EFCAB5: variants seen among roughly 807,000 people sequenced by gnomAD.
EFCAB5 encodes the protein EF-hand calcium binding domain 5.
EFCAB5 carries 131 observed loss-of-function variants against 167.9 expected under a neutral mutation model. The ratio of observed to expected loss-of-function variants is 0.78; its 90% CI spans 0.68 to 0.90. The LOEUF (loss-of-function observed/expected upper bound fraction) is 0.90. Ranked by LOEUF, EFCAB5 falls within the 40% of genes least tolerant of loss-of-function variation. The probability of loss-of-function intolerance (pLI) is 0.00; values close to 1 mark genes in which losing one functional copy is unlikely to be tolerated. For missense variants in EFCAB5, 1,663 were observed against 1,745.2 expected, an observed-to-expected ratio of 0.95 and a Z score of 0.84; for synonymous variants, 574 against 602.8, an observed-to-expected ratio of 0.95 and a Z score of 0.70.
At chr17:30,046,721 C>G (rs935665807) in intron 8 of EFCAB5, among the ~76,000 whole-genome samples, 3 of 152,168 alleles carry the variant, frequency 2.0e-5, no homozygotes, top group Non-Finnish European at 4.4e-5. Context: ...AGAAGCAACC[C>G]CTTCTCTCCT....
intron 3 of EFCAB5, among the ~76,000 whole-genome samples, chr17:29,960,241 T>C (rs745496154): frequency 6.6e-6 from 1 of 152,166 alleles, no homozygotes; most frequent in Non-Finnish European, 1.5e-5. Flanking sequence ...CAAGACTGTC[T>C]TTCCTATTCT....
Position 30,041,210 on chromosome 17 carries a change from A to AGAAGGAAGGAAGGAAGGAAGGAAG in EFCAB5, c.1200+6848_1200+6849insGGAAGGAAGGAAGGAAGGAAGGAA, listed in dbSNP as rs61335450. ...AGGAAGGAAGGAAGGAAGAAAGGAA[A>AGAAGGAAGGAAGGAAGGAAGGAAG]GAAGGAAGGAAGGAAGGAAGGAAAT... On this transcript the variant is annotated intron_variant, in intron 8 of 22. Transcript: ENST00000394835. Among the ~76,000 whole-genome samples the AGAAGGAAGGAAGGAAGGAAGGAAG allele has an allele frequency of 5.4e-3, 815 of 149,970 alleles. 5 individuals carry two copies. The highest frequency in any genetic ancestry group is 0.019 in the African/African-American group (775 of 40,330).
intron 7 of EFCAB5, among the ~76,000 whole-genome samples, chr17:30,030,175 A>G (rs1191315037): frequency 1.3e-5 from 2 of 152,216 alleles, no homozygotes; most frequent in Non-Finnish European, 2.9e-5. Context: ...TTTGTAGTTG[A>G]TATCGCCAAC....
rs2070096761 is a variant in EFCAB5 at position 30,051,515 on chromosome 17, G to A, written c.1300+298G>A. 2.0e-5 allele frequency among the ~76,000 whole-genome samples: 3 copies of A among 152,178 alleles called. No homozygotes were observed. The South Asian group carries it at 6.2e-4, about 31-fold the overall frequency. Reference sequence around the variant, plus strand: ...CAAATGAAGAAATGCTTTAGTGACAGTCTGAATGTTTTGGAAATTAAGTTA... The same window carrying A: ...CAAATGAAGAAATGCTTTAGTGACAATCTGAATGTTTTGGAAATTAAGTTA... On this transcript the variant is annotated intron_variant, in intron 9 of 22. Transcript: ENST00000394835.
At chr17:30,079,963 G>A (rs2070949867) in intron 15 of EFCAB5, 109 bp from the exon 16 acceptor site, 1 of 1,336,624 alleles carries the variant, frequency 7.5e-7, no homozygotes, top group Non-Finnish European at 1.0e-6. Context: ...CTTTATTCAG[G>A]AAAATGAAAC....
intron 7 of EFCAB5, among the ~76,000 whole-genome samples, chr17:30,011,808 C>T (rs1265217868): frequency 6.6e-6 from 1 of 151,766 alleles, no homozygotes; most frequent in Non-Finnish European, 1.5e-5. Flanking sequence ...GGCAAGCCAC[C>T]CAGGTGCCAA....
chr17:29,955,723 A>C (rs2067601745), intron 3 of EFCAB5, among the ~76,000 whole-genome samples: 1 of 152,198 alleles, frequency 6.6e-6, no homozygotes, highest in African/African-American at 2.4e-5. Flanking sequence ...AATGTTGTTA[A>C]AATGGCCATA....
Position 30,054,149 on chromosome 17 carries a change from G to A in EFCAB5, c.2194+1G>A, listed in dbSNP as rs1459357406. The A allele has an allele frequency of 2.6e-6, 4 of 1,531,434 alleles. No homozygotes were observed. The highest frequency in any genetic ancestry group is 3.5e-6 in the Non-Finnish European group (4 of 1,141,484). The allele number at this position is 1,531,434 out of a possible 1,614,324, so 94.9% of individuals were successfully genotyped here. ...TTAAGCAGAAAAGATCACTTTCCAGGTAGTAATGCAGTTCTTCTACAACAT... is the reference window on the plus strand; with the variant it reads ...TTAAGCAGAAAAGATCACTTTCCAGATAGTAATGCAGTTCTTCTACAACAT... On this transcript the variant is annotated splice_donor_variant, in intron 10 of 22. Coordinates refer to ENST00000394835, the MANE Select transcript of EFCAB5 (RefSeq NM_198529.4). LOFTEE classifies it high-confidence loss of function.
intron 7 of EFCAB5, among the ~76,000 whole-genome samples, chr17:30,003,103 G>T (rs999248914): frequency 3.5e-5 from 5 of 141,130 alleles, no homozygotes; most frequent in South Asian, 5.1e-4. Flanking sequence ...TTGTAGCGGG[G>T]GGGGGGTCTG....
intron 1 of EFCAB5, among the ~76,000 whole-genome samples, chr17:29,932,904 T>G (rs1259762111): frequency 6.6e-6 from 1 of 152,358 alleles, no homozygotes; most frequent in Non-Finnish European, 1.5e-5. Flanking sequence ...TTCACATTGT[T>G]TGTATCAGGA....
intron 22 of EFCAB5, among the ~76,000 whole-genome samples, chr17:30,094,804 G>A (rs2071266089): frequency 6.6e-6 from 1 of 152,160 alleles, no homozygotes; most frequent in South Asian, 2.1e-4. Context: ...TGTTGGGCAG[G>A]CCTGGCCTCC....
At chr17:30,044,282 A>G (rs1254624298) in intron 8 of EFCAB5, among the ~76,000 whole-genome samples, 2 of 152,190 alleles carry the variant, frequency 1.3e-5, no homozygotes, top group Non-Finnish European at 2.9e-5. Context: ...GGAATGAATA[A>G]AATTAAAAAG....
intron 3 of EFCAB5, among the ~76,000 whole-genome samples, chr17:29,958,955 T>G (rs183573593): frequency 2.6e-3 from 402 of 152,274 alleles, no homozygotes; most frequent in Non-Finnish European, 4.3e-3. Context: ...AGGCAGAGAC[T>G]CTTGTTCTCT....
chr17:30,055,366 AAGGAAGGAAG>A (rs2070228143), intron 10 of EFCAB5, among the ~76,000 whole-genome samples: 1 of 151,526 alleles, frequency 6.6e-6, no homozygotes, highest in African/African-American at 2.4e-5. Context: ...GGAAGGAAGG[AAGGAAGGAAG>A]GAAGGAAGGT....
chr17:29,985,171 G>A (rs2068255034), intron 4 of EFCAB5, among the ~76,000 whole-genome samples: 1 of 152,188 alleles, frequency 6.6e-6, no homozygotes, highest in Admixed American at 6.5e-5. Flanking sequence ...TAAAAGCACA[G>A]TTTTTCCCCC....
chr17:29,968,821 C>T lies in EFCAB5; in HGVS notation c.221C>T (p.Ser74Leu). Residue 74 changes from serine to leucine, a missense_variant, in exon 4 of 23, where the codon TCA becomes TTA. Ser to Leu is a moderately radical substitution (Grantham distance 145, BLOSUM62 -2). Coordinates refer to ENST00000394835, the MANE Select transcript of EFCAB5 (RefSeq NM_198529.4). ...AACCTGGAGGGGCAGCGAAAAATTTCACCTGGTTCAATAAAGGACTCTAAA... is the reference window on the plus strand; with the variant it reads ...AACCTGGAGGGGCAGCGAAAAATTTTACCTGGTTCAATAAAGGACTCTAAA... ...ELNLEGQRKI[S>L]PGSIKDSKTE... 1 of 1,507,330 alleles carries T rather than the reference C, an allele frequency of 6.6e-7. No homozygotes were observed. Among genetic ancestry groups the T allele is most frequent in the Non-Finnish European group, 8.9e-7 (1 of 1,128,148 alleles). The allele number at this position is 1,507,330 out of a possible 1,614,324, so 93.4% of individuals were successfully genotyped here. A position where few individuals can be genotyped will look rare whatever the true frequency, so the allele number is the denominator to read the frequency against.
At chr17:29,931,896 T>C (rs2067200935) in intron 1 of EFCAB5, among the ~76,000 whole-genome samples, 1 of 152,210 alleles carries the variant, frequency 6.6e-6, no homozygotes. Context: ...CATGGTAACA[T>C]ACTCTTCAGA....
At chr17:30,026,961 CTTTTTTTTTTTTTTTTTTTTTTT>C (rs71138868) in intron 7 of EFCAB5, among the ~76,000 whole-genome samples, 43 of 64,544 alleles carry the variant, frequency 6.7e-4, no homozygotes, top group Middle Eastern at 0.011. Flanking sequence ...CTCCTTGTAC[CTTTTTTTTTTTTTTTTTTTTTTT>C]TTTTTTTTTT....
intron 18 of EFCAB5, among the ~76,000 whole-genome samples, chr17:30,083,970 C>T (rs888685227): frequency 2.6e-5 from 4 of 152,090 alleles, no homozygotes; most frequent in African/African-American, 9.7e-5. Flanking sequence ...CTTCTTTATA[C>T]TTTGTGTTAG....
Sources: allele counts gnomAD v4.1 joint callset (sites outside exome capture counted in the v4.1 genomes callset), GRCh38; gene constraint gnomAD v4.1.1; transcripts MANE v1.5; gene names NCBI Gene and HGNC (gene_info 2026-07-23, HGNC 2026-07-21).